The following PTPRK variants were observed in gnomAD, a reference collection of about 807,000 sequenced individuals.
The protein encoded by PTPRK is protein tyrosine phosphatase receptor type K, also known as receptor-type tyrosine-protein phosphatase kappa.
In PTPRK, 75 loss-of-function variants were observed where a neutral mutation model predicts 178.0. The ratio of observed to expected loss-of-function variants is 0.42; its 90% CI spans 0.35 to 0.51. PTPRK has a LOEUF of 0.51. Ranked by LOEUF, PTPRK falls within the 20% of genes least tolerant of loss-of-function variation. PTPRK has a pLI of 0.02. For synonymous variants in PTPRK, 637 were observed against 620.6 expected, an observed-to-expected ratio of 1.03 and a Z score of -0.39; for missense variants, 1,441 against 1,797.8, an observed-to-expected ratio of 0.80 and a Z score of 3.59.
chr6:128,001,057 C>A, intron 15 of PTPRK: 1 of 571,196 alleles, frequency 1.8e-6, no homozygotes, highest in Admixed American at 3.3e-5. Context: ...TACATTTCCA[C>A]CTCATTAAAC....
intron 5 of PTPRK, among the ~76,000 whole-genome samples, chr6:128,225,732 A>C (rs1811185222): frequency 6.6e-6 from 1 of 152,162 alleles, no homozygotes; most frequent in Non-Finnish European, 1.5e-5. Flanking sequence ...ATTTATGGCC[A>C]TAGAAATTAT....
intron 3 of PTPRK, among the ~76,000 whole-genome samples, chr6:128,297,794 C>A (rs558837075): frequency 5.3e-5 from 8 of 152,062 alleles, no homozygotes; most frequent in Middle Eastern, 3.4e-3. Flanking sequence ...AAATTGACAC[C>A]CTAACATCAC....
intron 5 of PTPRK, among the ~76,000 whole-genome samples, chr6:128,238,755 C>A (rs543920903): frequency 2.0e-5 from 3 of 152,270 alleles, no homozygotes; most frequent in African/African-American, 7.2e-5. Flanking sequence ...ATTTTTCAAT[C>A]TCTGTAGGAG....
At chr6:128,171,584 C>T (rs1002968792) in intron 7 of PTPRK, among the ~76,000 whole-genome samples, 13 of 151,876 alleles carry the variant, frequency 8.6e-5, no homozygotes, top group African/African-American at 1.9e-4. Flanking sequence ...ATAACAAATG[C>T]GTTACTAGTC....
At chr6:127,970,455 T>G (rs566809030) in intron 29 of PTPRK, among the ~76,000 whole-genome samples, 175 bp from the exon 30 acceptor site, 121 of 152,284 alleles carry the variant, frequency 7.9e-4, no homozygotes, top group Non-Finnish European at 1.4e-3. Flanking sequence ...AGTCTAATGA[T>G]CCATTTAAGA....
chr6:127,985,676 A>T, intron 22 of PTPRK, 45 bp downstream of exon 22: 1 of 1,528,032 alleles, frequency 6.5e-7, no homozygotes, highest in South Asian at 1.2e-5. Flanking sequence ...ATACTCTAAA[A>T]AAAGCTGATT....
At chr6:128,335,117 T>C (rs771281840) in intron 2 of PTPRK, among the ~76,000 whole-genome samples, 3 of 151,818 alleles carry the variant, frequency 2.0e-5, no homozygotes, top group Non-Finnish European at 2.9e-5. Context: ...ACAAAAGAAA[T>C]GGTTAAGAAT....
chr6:128,005,330 C>T (rs917650478), intron 14 of PTPRK, 86 bp from the exon 15 acceptor site: 19 of 1,329,380 alleles, frequency 1.4e-5, no homozygotes, highest in African/African-American at 1.0e-4. Context: ...CAGGTGAGCC[C>T]GAGGATAATG....
chr6:128,327,200 T>C lies in PTPRK; in HGVS notation c.224-4890A>G, dbSNP rs17055694. On this transcript the variant is annotated intron_variant, in intron 2 of 29. Transcript: ENST00000368226. ...TTTTTATCTTTAAGTTACACTTCTA[T>C]GAATAAGGTATTTACATGGGAAATT... 9.7e-3 allele frequency among the ~76,000 whole-genome samples: 1,481 copies of C among 152,230 alleles called. 25 individuals carry two copies. The highest frequency in any genetic ancestry group is 0.033 in the African/African-American group (1,390 of 41,550).
At chr6:128,150,816 C>T (rs1238475085) in intron 7 of PTPRK, among the ~76,000 whole-genome samples, 1 of 152,032 alleles carries the variant, frequency 6.6e-6, no homozygotes, top group East Asian at 1.9e-4. Flanking sequence ...TTTATTTACA[C>T]ATTCTGTGTT....
At chr6:128,454,361 G>T (rs556474282) in intron 1 of PTPRK, among the ~76,000 whole-genome samples, 1 of 152,298 alleles carries the variant, frequency 6.6e-6, no homozygotes, top group Non-Finnish European at 1.5e-5. Flanking sequence ...TTTAAAAAGA[G>T]TTATCTAAAT....
chr6:128,057,866 A>C, intron 13 of PTPRK, among the ~76,000 whole-genome samples: 1 of 152,336 alleles, frequency 6.6e-6, no homozygotes, highest in South Asian at 2.1e-4. Flanking sequence ...CTATATAGGT[A>C]CTGCATACCT....
At chr6:128,085,809 A>G (rs1785687210) in intron 8 of PTPRK, among the ~76,000 whole-genome samples, 1 of 152,212 alleles carries the variant, frequency 6.6e-6, no homozygotes, top group Non-Finnish European at 1.5e-5. Context: ...TGTGGACAAG[A>G]GAGTGTCATA....
At chr6:128,314,509 T>A (rs936464347) in intron 3 of PTPRK, among the ~76,000 whole-genome samples, 4 of 152,230 alleles carry the variant, frequency 2.6e-5, no homozygotes, top group African/African-American at 9.6e-5. Flanking sequence ...GGAATTCCAC[T>A]TCCCTTAAAT....
At chr6:128,148,822 A>G (rs907208353) in intron 7 of PTPRK, among the ~76,000 whole-genome samples, 5 of 152,130 alleles carry the variant, frequency 3.3e-5, no homozygotes, top group African/African-American at 1.2e-4. Context: ...GTCCAGCTAC[A>G]ATGATTTACT....
intron 1 of PTPRK, chr6:128,409,154 T>C (rs1051178741): frequency 1.6e-5 from 5 of 303,492 alleles, no homozygotes; most frequent in African/African-American, 8.9e-5. Context: ...AAACTACTTA[T>C]GGGAAGCAAC....
chr6:128,120,111 T>C (rs768512974), intron 7 of PTPRK, among the ~76,000 whole-genome samples: 2 of 151,984 alleles, frequency 1.3e-5, no homozygotes, highest in Non-Finnish European at 2.9e-5. Flanking sequence ...AATTTGATAA[T>C]ATTTTGTTAT....
At chr6:128,073,462 G>T (rs1008286774) in intron 11 of PTPRK, among the ~76,000 whole-genome samples, 3 of 151,972 alleles carry the variant, frequency 2.0e-5, no homozygotes, top group Admixed American at 1.3e-4. Flanking sequence ...AAAAGTATCC[G>T]TTGGGCAGAA....
intron 7 of PTPRK, among the ~76,000 whole-genome samples, chr6:128,125,314 C>T (rs1044881540): frequency 6.6e-6 from 1 of 152,106 alleles, no homozygotes; most frequent in Non-Finnish European, 1.5e-5. Flanking sequence ...CCCTGTGATA[C>T]TGTCCTCATG....
Sources: gnomAD v4.1 joint callset for allele counts (sites outside exome capture counted in the v4.1 genomes callset) on GRCh38, gnomAD v4.1.1 for gene constraint, MANE v1.5 for transcripts, NCBI Gene and HGNC (gene_info 2026-07-23, HGNC 2026-07-21) for gene names.